The following NCALD variants were observed in gnomAD, a reference collection of about 807,000 sequenced individuals.
NCALD encodes neurocalcin delta.
In NCALD, 10 loss-of-function variants were observed where a neutral mutation model predicts 18.6. The ratio of observed to expected loss-of-function variants is 0.54; its 90% CI spans 0.33 to 0.91. The LOEUF (loss-of-function observed/expected upper bound fraction) is 0.91. NCALD is among the 40% of genes least tolerant of loss of function. The pLI is 0.03. For synonymous variants in NCALD, 88 were observed against 87.4 expected (o/e 1.01, Z -0.04); for missense variants, 184 against 247.6 (o/e 0.74, Z 1.72).
Position 101,719,588 on chromosome 8 carries a change from C to T in NCALD, c.42G>A (p.Gln14=), listed in dbSNP as rs1816254364. Residue 14 remains glutamine (Q), a synonymous_variant, in exon 2 of 4, where the codon CAG becomes CAA. Transcript: ENST00000220931. ...TAAAGTCTGTGCTTTCCAGCAAGTC[C>T]TGCATGACCTCCGGGCGCAGCTTGC... The part of the protein sequence containing the change: ...QNSKLRPEVM[Q]DLLESTDFTE... The T allele has an allele frequency of 3.1e-6, 5 of 1,608,612 alleles. No individual in the cohort carries two copies. The East Asian group carries it at 1.1e-4, about 36-fold the overall frequency.
chr8:101,898,716 T>C (rs73696550), intron 3 of NCALD, among the ~76,000 whole-genome samples: 10,255 of 152,124 alleles, frequency 0.067, 706 homozygotes, highest in African/African-American at 0.18. Context: ...TGTGACTGTT[T>C]TCAAGTTCTC....
chr8:101,863,519 G>A (rs1815631892), intron 4 of NCALD, among the ~76,000 whole-genome samples: 2 of 151,950 alleles, frequency 1.3e-5, no homozygotes, highest in Non-Finnish European at 2.9e-5. Context: ...CACCAGCTAG[G>A]GGGATTTAGG....
chr8:101,954,774 C>G lies in NCALD; in HGVS notation c.-156-38916G>C, dbSNP rs78728284. ...ATAGACTAGTAGACTATAACTTATG[C>G]TAAAGATAATATAGAAATAAGAATC... On this transcript the variant is annotated intron_variant, in intron 2 of 6. Transcript: ENST00000311028. Among the ~76,000 whole-genome samples the G allele has an allele frequency of 3.1e-3, 469 of 152,266 alleles. 1 individual carries two copies. The highest frequency in any genetic ancestry group is 0.01 in the African/African-American group (432 of 41,554).
chr8:101,718,088 AGTC>A (rs1487562294), intron 2 of NCALD, among the ~76,000 whole-genome samples: 1 of 152,210 alleles, frequency 6.6e-6, no homozygotes, highest in Non-Finnish European at 1.5e-5. Flanking sequence ...TTTCCTTTGC[AGTC>A]TTCTTAAGAG....
At chr8:101,953,684 G>A (rs897057270) in intron 2 of NCALD, among the ~76,000 whole-genome samples, 1 of 152,266 alleles carries the variant, frequency 6.6e-6, no homozygotes, top group Non-Finnish European at 1.5e-5. Context: ...TGGAAGGAGA[G>A]TAACTTAGGC....
Position 101,729,155 on chromosome 8 carries a change from C to G in NCALD, c.-19-9507G>C, listed in dbSNP as rs546468600. The stretch of plus-strand genomic sequence containing the variant: ...AAATAAGGAAGACTAAATAAAAACC[C>G]GAAGAGCACATTGCTTCAGAATTTT... On this transcript the variant is annotated intron_variant, in intron 1 of 3. Coordinates refer to ENST00000220931, the MANE Select transcript of NCALD (RefSeq NM_032041.3). Among the ~76,000 whole-genome samples, 3 of 152,110 alleles carry G rather than the reference C, an allele frequency of 2.0e-5. No homozygotes were observed. In the East Asian group the frequency reaches 5.8e-4, roughly 29 times the overall value.
At chr8:101,710,676 G>A (rs374953257) in intron 2 of NCALD, among the ~76,000 whole-genome samples, 20 of 152,320 alleles carry the variant, frequency 1.3e-4, no homozygotes, top group African/African-American at 4.6e-4. Context: ...AGAGCCCACC[G>A]CAGCACCACA....
chr8:102,060,752 T>A (rs1209879327), intron 1 of NCALD, among the ~76,000 whole-genome samples: 1 of 152,038 alleles, frequency 6.6e-6, no homozygotes, highest in Non-Finnish European at 1.5e-5. Context: ...CCCGAGTACT[T>A]CAGGCTTTAA....
At chr8:102,000,746 G>A (rs907963612) in intron 2 of NCALD, among the ~76,000 whole-genome samples, 3 of 152,196 alleles carry the variant, frequency 2.0e-5, no homozygotes, top group African/African-American at 7.2e-5. Flanking sequence ...AGCCTCTGCT[G>A]CTGATACCCA....
intron 2 of NCALD, among the ~76,000 whole-genome samples, chr8:102,005,052 C>G (rs1254927672): frequency 1.3e-5 from 2 of 152,188 alleles, no homozygotes; most frequent in African/African-American, 4.8e-5. Flanking sequence ...AACTAAAGAG[C>G]TTCTGCACAG....
chr8:101,937,094 T>C (rs1438454063), intron 2 of NCALD, among the ~76,000 whole-genome samples: 3 of 152,192 alleles, frequency 2.0e-5, no homozygotes, highest in Non-Finnish European at 4.4e-5. Context: ...GAATAAACCA[T>C]TAAATGATCC....
At chr8:101,929,012 G>A (rs951879445) in intron 2 of NCALD, among the ~76,000 whole-genome samples, 1 of 151,718 alleles carries the variant, frequency 6.6e-6, no homozygotes, top group Non-Finnish European at 1.5e-5. Context: ...TTATCCAGAA[G>A]GCCTTCCAAG....
chr8:102,041,228 T>C (rs138756104), intron 1 of NCALD, among the ~76,000 whole-genome samples: 81 of 152,304 alleles, frequency 5.3e-4, no homozygotes, highest in African/African-American at 1.8e-3. Context: ...CAATGTCCCC[T>C]TTCTATCTTA....
At chr8:101,800,790 C>T (rs1182846593) in intron 4 of NCALD, among the ~76,000 whole-genome samples, 1 of 146,818 alleles carries the variant, frequency 6.8e-6, no homozygotes, top group Admixed American at 6.8e-5. Context: ...ATCACTTGAA[C>T]CCAGGAAGTT....
intron 4 of NCALD, among the ~76,000 whole-genome samples, chr8:101,881,577 C>T (rs1357028338): frequency 6.6e-6 from 1 of 152,070 alleles, no homozygotes; most frequent in Admixed American, 6.6e-5. Flanking sequence ...AGTTTGGTGC[C>T]AAGGACCAAA....
chr8:102,082,224 C>CTTTTTTTT lies in NCALD; in HGVS notation c.-210+42012_-210+42013insAAAAAAAA, dbSNP rs1362023921. 1.7e-3 allele frequency among the ~76,000 whole-genome samples: 186 copies of CTTTTTTTT among 109,402 alleles called. 16 individuals are homozygous for CTTTTTTTT. The highest frequency in any genetic ancestry group is 6.6e-3 in the African/African-American group (175 of 26,444). 71.8% of individuals were successfully genotyped at this position (109,402 alleles called of 152,430 possible). On this transcript the variant is annotated intron_variant, in intron 1 of 6. Transcript: ENST00000311028. ...AATGGGCAGTTATTTGAGAAGCTCT[C>CTTTTTTTT]TCTTTTTTTTTTTTTTTTTTTTTTT...
chr8:101,818,495 T>C (rs940097402), intron 4 of NCALD, among the ~76,000 whole-genome samples: 2 of 152,206 alleles, frequency 1.3e-5, no homozygotes, highest in African/African-American at 2.4e-5. Flanking sequence ...TTCCAGAACA[T>C]TGAGAAGCCA....
chr8:101,688,194 G>A lies in NCALD; in HGVS notation c.*1115C>T, dbSNP rs1814549696. 1 of 161,402 alleles carries A rather than the reference G, an allele frequency of 6.2e-6. No individual in the cohort carries two copies. Among genetic ancestry groups the A allele is most frequent in the Non-Finnish European group, 1.4e-5 (1 of 73,306 alleles). The allele number at this position is 161,402 out of a possible 1,614,324, so 10.0% of individuals were successfully genotyped here. A position where few individuals can be genotyped will look rare whatever the true frequency, so the allele number is the denominator to read the frequency against. On this transcript the variant is annotated 3_prime_UTR_variant, in exon 4 of 4. Coordinates refer to ENST00000220931, the MANE Select transcript of NCALD (RefSeq NM_032041.3). ...GTCAATGGGCTGCTGGGCCTGAGAG[G>A]GAAACCACCCTACTGGTCCCCTGTC...
chr8:101,729,210 G>A (rs923425529), intron 1 of NCALD, among the ~76,000 whole-genome samples: 3 of 152,158 alleles, frequency 2.0e-5, no homozygotes, highest in Non-Finnish European at 4.4e-5. Context: ...GAATTTGAAA[G>A]AAGACTATAC....
Sources: allele counts gnomAD v4.1 joint callset (sites outside exome capture counted in the v4.1 genomes callset), GRCh38; gene constraint gnomAD v4.1.1; transcripts MANE v1.5; gene names NCBI Gene and HGNC (gene_info 2026-07-23, HGNC 2026-07-21).